YWHAZ: variants seen among roughly 807,000 people sequenced by gnomAD.
YWHAZ encodes tyrosine 3-monooxygenase/tryptophan 5-monooxygenase activation protein zeta.
For missense variants in YWHAZ, 79 were observed against 284.8 expected, an observed-to-expected ratio of 0.28 and a Z score of 5.20; for synonymous variants, 87 against 103.6, an observed-to-expected ratio of 0.84 and a Z score of 0.97.
In YWHAZ at chr8:100,919,180, A is replaced by ATGGT. The variant is rs1181440063; in HGVS notation, c.*1509_*1512dup. On this transcript the variant is annotated 3_prime_UTR_variant, in exon 6 of 6. Coordinates refer to ENST00000395958, the MANE Select transcript of YWHAZ (RefSeq NM_145690.3). ...CCAAGTACATGGCCACCAAGTAAGA[A>ATGGT]TGGTTGGTGACAAGACAGAAGGCTA... The ATGGT allele has an allele frequency of 2.6e-5, 4 of 152,576 alleles. No individual in the cohort carries two copies. Among genetic ancestry groups the ATGGT allele is most frequent in the Non-Finnish European group, 5.9e-5 (4 of 68,042 alleles). The allele number at this position is 152,576 out of a possible 1,614,324, so 9.5% of individuals were successfully genotyped here. A position where few individuals can be genotyped will look rare whatever the true frequency, so the allele number is the denominator to read the frequency against.
In YWHAZ at chr8:100,941,486, A is replaced by G. The variant is rs373898951; in HGVS notation, c.294+7110T>C. ...GTTTGCAAGTTAGAAATTAACTGCCACTAAAAAACATTTCTAGGCCGGGTA... is the reference window on the plus strand; with the variant it reads ...GTTTGCAAGTTAGAAATTAACTGCCGCTAAAAAACATTTCTAGGCCGGGTA... On this transcript the variant is annotated intron_variant, in intron 2 of 5. Transcript: ENST00000395958. 4.6e-5 allele frequency among the ~76,000 whole-genome samples: 7 copies of G among 152,298 alleles called. No individual in the cohort carries two copies. In the East Asian group the frequency reaches 1.3e-3, roughly 29 times the overall value.
In YWHAZ at chr8:100,926,491, C is replaced by T. The variant is rs146664035; in HGVS notation, c.295-1452G>A. Among the ~76,000 whole-genome samples the T allele has an allele frequency of 1.1e-3, 173 of 152,188 alleles. 1 individual carries two copies. The highest frequency in any genetic ancestry group is 3.7e-3 in the African/African-American group (155 of 41,526). ...ACTAAAAATACAAAAATTAGCCAGG[C>T]GTGGTGACGGGCGCCTGTAATCCCA... On this transcript the variant is annotated intron_variant, in intron 2 of 5. Transcript: ENST00000395958.
At chr8:100,953,185 C>T (rs1810923926), upstream of YWHAZ, 2 of 985,326 alleles carry the variant, frequency 2.0e-6, no homozygotes, top group African/African-American at 1.7e-5. Flanking sequence ...CGTGACCGCA[C>T]GGACCCGTTT....
At chr8:100,940,158 T>C (rs1295538823) in intron 2 of YWHAZ, among the ~76,000 whole-genome samples, 1 of 152,130 alleles carries the variant, frequency 6.6e-6, no homozygotes, top group Non-Finnish European at 1.5e-5. Flanking sequence ...TTAAAAATTA[T>C]TGACACTCAC....
intron 2 of YWHAZ, among the ~76,000 whole-genome samples, chr8:100,942,477 G>A (rs1275603085): frequency 1.3e-5 from 2 of 152,160 alleles, no homozygotes; most frequent in Non-Finnish European, 1.5e-5. Context: ...CTGCTGATAC[G>A]ACCGTTCTTC....
chr8:100,950,672 GA>G lies in YWHAZ; in HGVS notation c.-12+1256del, dbSNP rs1554618278. 5.5e-4 allele frequency: 481 copies of G among 878,260 alleles called. 6 individuals carry two copies. Among genetic ancestry groups the G allele is most frequent in the African/African-American group, 4.0e-3 (207 of 52,110 alleles). The allele number at this position is 878,260 out of a possible 1,614,324, so 54.4% of individuals were successfully genotyped here. ...GCCCAAGCCGTGGGGGGGGGGGAGA[GA>G]TGGGGAGCGAAGCCGCCCGACCCCG... On this transcript the variant is annotated intron_variant, in intron 1 of 5. Coordinates refer to ENST00000395958, the MANE Select transcript of YWHAZ (RefSeq NM_145690.3).
intron 2 of YWHAZ, among the ~76,000 whole-genome samples, chr8:100,933,852 A>T (rs1226488454): frequency 6.6e-6 from 1 of 152,076 alleles, no homozygotes; most frequent in African/African-American, 2.4e-5. Context: ...TACTAAAAAT[A>T]ATTTAAAAAC....
Position 100,924,125 on chromosome 8 carries a change from A to AAATACATACTGTCTTTGC in YWHAZ, c.574_582+9dup. ...CTGCTAAATTTCTACGTAACAGGTA[A>AAATACATACTGTCTTTGC]AATACATACTGTCTTTGCAAGAGAG... On this transcript the variant is annotated intron_variant, in intron 4 of 5. Transcript: ENST00000395958. This position sits in a 1 kb window ranked among gnomAD's most constrained non-coding sequence, Gnocchi z 5.7. The AAATACATACTGTCTTTGC allele has an allele frequency of 6.2e-7, 1 of 1,610,472 alleles. No homozygotes were observed. Among genetic ancestry groups the AAATACATACTGTCTTTGC allele is most frequent in the African/African-American group, 1.3e-5 (1 of 74,610 alleles).
chr8:100,917,456 A>G lies in YWHAZ; in HGVS notation c.*3237T>C, dbSNP rs1040434683. 1.3e-5 allele frequency: 2 copies of G among 152,192 alleles called. No homozygotes were observed. The highest frequency in any genetic ancestry group is 1.3e-4 in the Admixed American group (2 of 15,278). 9.4% of individuals were successfully genotyped at this position (152,192 alleles called of 1,614,324 possible). A position where few individuals can be genotyped will look rare whatever the true frequency, so the allele number is the denominator to read the frequency against. On this transcript the variant is annotated 3_prime_UTR_variant, in exon 6 of 6. Coordinates refer to ENST00000395958, the MANE Select transcript of YWHAZ (RefSeq NM_145690.3). ...CATACCAGGGTGGGCACAGTGGCTC[A>G]CGCCTGTAATCCCAGCACTTTGGGA...
At chr8:100,936,577 A>C (rs1175027065) in intron 2 of YWHAZ, among the ~76,000 whole-genome samples, 3 of 152,108 alleles carry the variant, frequency 2.0e-5, no homozygotes, top group Admixed American at 6.6e-5. Context: ...AAGGCGGCCA[A>C]ATCACTTGAG....
rs1392278054 is a variant in YWHAZ at position 100,916,880 on chromosome 8, TTTAA to T, written c.*3809_*3812del. On this transcript the variant is annotated 3_prime_UTR_variant, in exon 6 of 6. Coordinates refer to ENST00000395958, the MANE Select transcript of YWHAZ (RefSeq NM_145690.3). ...GACTACTACCAGTCACATAAAAGTA[TTTAA>T]TTAGTTTCACACTTAGAAAAGAATC... The T allele has an allele frequency of 2.8e-5, 4 of 144,498 alleles. No individual in the cohort carries two copies. Among genetic ancestry groups the T allele is most frequent in the African/African-American group, 9.7e-5 (4 of 41,202 alleles). The allele number at this position is 144,498 out of a possible 1,614,324, so 9.0% of individuals were successfully genotyped here.
At position 100,916,728 on chromosome 8, in the gene YWHAZ, C is replaced by G. The variant is rs1208282281; in HGVS notation, c.*3965G>C. The stretch of plus-strand genomic sequence containing the variant: ...CTAACATTATGCTTAAATATATTAA[C>G]TTGTAACTGCTTCTGCATCCCAGAG... On this transcript the variant is annotated 3_prime_UTR_variant, in exon 6 of 6. Transcript: ENST00000395958. The G allele has an allele frequency of 2.0e-5, 3 of 152,194 alleles. No individual in the cohort carries two copies. Among genetic ancestry groups the G allele is most frequent in the Non-Finnish European group, 4.4e-5 (3 of 68,042 alleles). The allele number at this position is 152,194 out of a possible 1,614,324, so 9.4% of individuals were successfully genotyped here.
At chr8:100,925,664 T>C (rs1047199110) in intron 2 of YWHAZ, among the ~76,000 whole-genome samples, 3 of 152,212 alleles carry the variant, frequency 2.0e-5, no homozygotes, top group Non-Finnish European at 4.4e-5. Context: ...TTGAAGTCAT[T>C]TTCGGCTAGT....
At chr8:100,931,897 C>T (rs1183611697) in intron 2 of YWHAZ, 1 of 151,912 alleles carries the variant, frequency 6.6e-6, no homozygotes, top group Admixed American at 6.6e-5. Flanking sequence ...TTCAAAAACA[C>T]AGGATTAAGA....
intron 2 of YWHAZ, among the ~76,000 whole-genome samples, chr8:100,940,401 T>C (rs1809740289): frequency 6.6e-6 from 1 of 152,244 alleles, no homozygotes; most frequent in African/African-American, 2.4e-5. Context: ...TAAAAAAGGC[T>C]AAAGACCAGC....
upstream of YWHAZ, chr8:100,953,218 C>G (rs1022455310): frequency 1.0e-6 from 1 of 985,284 alleles, no homozygotes; most frequent in Non-Finnish European, 1.2e-6. Context: ...GTTTTCCTAC[C>G]CAAATAAAGC....
chr8:100,935,926 A>G (rs1006374874), intron 2 of YWHAZ, among the ~76,000 whole-genome samples: 5 of 152,208 alleles, frequency 3.3e-5, no homozygotes, highest in African/African-American at 1.2e-4. Context: ...ACTATCCCTT[A>G]CATTTCTTTA....
intron 1 of YWHAZ, chr8:100,950,378 G>A: frequency 1.0e-6 from 1 of 985,506 alleles, no homozygotes; most frequent in Non-Finnish European, 1.2e-6. Flanking sequence ...ACTGCGGGCA[G>A]GACTCACCGC....
chr8:100,924,335 G>A lies in YWHAZ; in HGVS notation c.419-37C>T. ...ACACCAAAACGTACTGAGATAAAGTGTGCATTATATCTTCACCCCTCAAAC... is the reference window on the plus strand; with the variant it reads ...ACACCAAAACGTACTGAGATAAAGTATGCATTATATCTTCACCCCTCAAAC... On this transcript the variant is annotated intron_variant, in intron 3 of 5. Transcript: ENST00000395958. This position sits in a 1 kb window ranked among gnomAD's most constrained non-coding sequence, Gnocchi z 5.7. 1 of 1,590,112 alleles carries A rather than the reference G, an allele frequency of 6.3e-7. No homozygotes were observed. Among genetic ancestry groups the A allele is most frequent in the Non-Finnish European group, 8.5e-7 (1 of 1,171,558 alleles).
Sources: allele counts gnomAD v4.1 joint callset (sites outside exome capture counted in the v4.1 genomes callset), GRCh38; gene constraint gnomAD v4.1.1; non-coding constraint Gnocchi (gnomAD v3.1); transcripts MANE v1.5; gene names NCBI Gene and HGNC (gene_info 2026-07-23, HGNC 2026-07-21).